Variants in GRID2IP observed in about 807,000 individuals in gnomAD.
GRID2IP encodes the protein Grid2 interacting protein.
Under a neutral mutation model 114.3 loss-of-function variants are expected in GRID2IP, and 78 were observed. The ratio of observed to expected loss-of-function variants is 0.68; its 90% CI spans 0.57 to 0.82. The LOEUF (loss-of-function observed/expected upper bound fraction) is 0.82, where lower values mean the gene tolerates loss of function less well. GRID2IP is among the 40% of genes least tolerant of loss of function. GRID2IP has a pLI of 0.00. For synonymous variants in GRID2IP, 809 were observed against 724.0 expected, an observed-to-expected ratio of 1.12 and a Z score of -1.89; for missense variants, 1,727 against 1,678.5, an observed-to-expected ratio of 1.03 and a Z score of -0.51.
intron 1 of GRID2IP, among the ~76,000 whole-genome samples, chr7:6,549,405 A>T (rs1317215369): frequency 6.6e-6 from 1 of 152,108 alleles, no homozygotes; most frequent in East Asian, 1.9e-4. Context: ...CAGGCTCCTC[A>T]TTCTTAATCT....
Position 6,498,187 on chromosome 7 carries a change from G to A in GRID2IP, c.3441C>T (p.Asp1147=), listed in dbSNP as rs572200460. Residue 1147 remains aspartate (D), a synonymous_variant, in exon 21 of 22, where the codon GAC becomes GAT. Transcript: ENST00000457091. ...ETAQPALRAL[D]GLQREAMEEL... ...CCTCCATGGCCTCGCGCTGCAGCCC[G>A]TCGAGCGCCCGAAGTGCTGGCTGGG... 7.7e-6 allele frequency: 12 copies of A among 1,550,304 alleles called. No homozygotes were observed. Among genetic ancestry groups the A allele is most frequent in the African/African-American group, 5.5e-5 (4 of 73,112 alleles).
intron 1 of GRID2IP, among the ~76,000 whole-genome samples, chr7:6,549,543 C>A (rs942886531): frequency 1.3e-5 from 2 of 152,208 alleles, no homozygotes; most frequent in African/African-American, 4.8e-5. Context: ...GCCAGCCAGG[C>A]CGCTGTGCAA....
In GRID2IP at chr7:6,498,323, C is replaced by T. The variant is rs1052270940; in HGVS notation, c.3400-95G>A. 24 of 1,267,758 alleles carry T rather than the reference C, an allele frequency of 1.9e-5. No individual in the cohort carries two copies. In the East Asian group the frequency reaches 2.0e-4, roughly 11 times the overall value. 78.5% of individuals were successfully genotyped at this position (1,267,758 alleles called of 1,614,324 possible). A position where few individuals can be genotyped will look rare whatever the true frequency, so the allele number is the denominator to read the frequency against. ...GACAGGTCCCTAGCAGCCCTATTCCCGGTTGGCCTGAGTCCTTCCAAGGGC... is the reference window on the plus strand; with the variant it reads ...GACAGGTCCCTAGCAGCCCTATTCCTGGTTGGCCTGAGTCCTTCCAAGGGC... On this transcript the variant is annotated intron_variant, in intron 20 of 21. Coordinates refer to ENST00000457091, the MANE Select transcript of GRID2IP (RefSeq NM_001145118.2).
Position 6,539,853 on chromosome 7 carries a change from TC to T in GRID2IP, c.448del (p.Asp150ThrfsTer13), listed in dbSNP as rs1424086765. The T allele has an allele frequency of 6.4e-7, 1 of 1,551,178 alleles. No individual in the cohort carries two copies. Among genetic ancestry groups the T allele is most frequent in the East Asian group, 2.4e-5 (1 of 40,890 alleles). ...CACCTGCTCCTTGGCAGTTGGCTGGTCCCCCAAGATTTCATCCACCTGCAAG... is the reference window on the plus strand; with the variant it reads ...CACCTGCTCCTTGGCAGTTGGCTGGTCCCCAAGATTTCATCCACCTGCAAG... ...FSRKVDEILGDQPTAKEQVFA... is the reference protein window; with the variant it reads ...FSRKVDEILGXQPTAKEQVFA... On this transcript the variant is annotated frameshift_variant, in exon 2 of 22. Coordinates refer to ENST00000457091, the MANE Select transcript of GRID2IP (RefSeq NM_001145118.2). LOFTEE classifies it high-confidence loss of function.
chr7:6,543,642 C>T (rs1164742809), intron 1 of GRID2IP, among the ~76,000 whole-genome samples: 1 of 151,832 alleles, frequency 6.6e-6, no homozygotes, highest in African/African-American at 2.4e-5. Context: ...CAGGGTCTTG[C>T]TCTGTTGCCC....
At chr7:6,546,560 A>C in intron 1 of GRID2IP, among the ~76,000 whole-genome samples, 1 of 136,568 alleles carries the variant, frequency 7.3e-6, no homozygotes. Context: ...CAAGAGCGAA[A>C]CTCTGTCTCA....
In GRID2IP at chr7:6,503,031, G is replaced by A; in HGVS notation, c.3040C>T (p.Arg1014Trp). ...ACCTCCAGGATCTTGGCGAGCTTCCGACTGTTTTTGAGCTCCAGGGAGGCC... is the reference window on the plus strand; with the variant it reads ...ACCTCCAGGATCTTGGCGAGCTTCCAACTGTTTTTGAGCTCCAGGGAGGCC... ...RQASLELKNS[R>W]KLAKILEFVL... Residue 1014 changes from arginine to tryptophan, a missense_variant, in exon 17 of 22, where the codon CGG becomes TGG. By Grantham distance (101) the Arg-to-Trp change is moderately radical. Coordinates refer to ENST00000457091, the MANE Select transcript of GRID2IP (RefSeq NM_001145118.2). 6.4e-7 allele frequency: 1 copy of A among 1,551,536 alleles called. No homozygotes were observed. The highest frequency in any genetic ancestry group is 1.2e-5 in the South Asian group (1 of 84,050).
chr7:6,523,861 C>T lies in GRID2IP; in HGVS notation c.920-1904G>A, dbSNP rs1779457616. On this transcript the variant is annotated intron_variant, in intron 4 of 21. Transcript: ENST00000457091. The surrounding 1 kb of genome is among the most constrained non-coding windows in gnomAD (Gnocchi z 4.5). ...TAACAAGGCCCTAGGCCAGGTATCT[C>T]TGGCTACACATGTGGGAGAGACTGG... Among the ~76,000 whole-genome samples, 1 of 152,142 alleles carries T rather than the reference C, an allele frequency of 6.6e-6. No individual in the cohort carries two copies. The highest frequency in any genetic ancestry group is 2.1e-4 in the South Asian group (1 of 4,824).
In GRID2IP at chr7:6,551,241, C is replaced by G. The variant is rs373612128; in HGVS notation, c.196G>C (p.Val66Leu). Residue 66 changes from valine to leucine, a missense_variant, in exon 1 of 22, where the codon GTG becomes CTG. Coordinates refer to ENST00000457091, the MANE Select transcript of GRID2IP (RefSeq NM_001145118.2). ...CGTGGGCAGCGCCGTGCCAGGCGCA[C>G]GAGGCGCTCGCGGCTCAGACCGCCC... ...AVGGLSRERL[V>L]RLARRCPRVP... 9 of 1,530,602 alleles carry G rather than the reference C, an allele frequency of 5.9e-6. No homozygotes were observed. Among genetic ancestry groups the G allele is most frequent in the African/African-American group, 4.1e-5 (3 of 72,398 alleles). 94.8% of individuals were successfully genotyped at this position (1,530,602 alleles called of 1,614,324 possible).
intron 1 of GRID2IP, among the ~76,000 whole-genome samples, chr7:6,549,519 C>T (rs1467097466): frequency 6.6e-6 from 1 of 152,240 alleles, no homozygotes; most frequent in African/African-American, 2.4e-5. Flanking sequence ...ACTAGGGCCT[C>T]CTGCAGCCAA....
chr7:6,515,463 A>G (rs893888725), intron 7 of GRID2IP, among the ~76,000 whole-genome samples: 1 of 151,204 alleles, frequency 6.6e-6, no homozygotes, highest in Non-Finnish European at 1.5e-5. Flanking sequence ...TCTGTCTCAA[A>G]AAAACCCAAA....
rs1414723657 is a variant in GRID2IP, at chr7:6,520,712, C to T, written c.1134G>A (p.Leu378=). 6.4e-7 allele frequency: 1 copy of T among 1,551,692 alleles called. No individual in the cohort carries two copies. The highest frequency in any genetic ancestry group is 1.2e-5 in the South Asian group (1 of 84,060). The change falls in exon 7 of 22, where the codon CTG becomes CTA. Residue 378 remains leucine (L), a synonymous_variant. Coordinates refer to ENST00000457091, the MANE Select transcript of GRID2IP (RefSeq NM_001145118.2). This position sits in a 1 kb window ranked among gnomAD's most constrained non-coding sequence, Gnocchi z 4.6. The part of the protein sequence containing the change: ...SPNPSSALTS[L]QWVAEILPSS... ...ACGGCAGGATCTCCGCCACCCACTG[C>T]AGGGAGGTGAGCGCCGACGACGGGT...
chr7:6,501,355 A>T (rs977370315), intron 20 of GRID2IP, among the ~76,000 whole-genome samples: 2 of 152,144 alleles, frequency 1.3e-5, no homozygotes, highest in African/African-American at 4.8e-5. Context: ...TGTCTCAAAA[A>T]ATAAATAAAA....
At position 6,497,588 on chromosome 7, in the gene GRID2IP, G is replaced by A. The variant is rs535593514; in HGVS notation, c.*186C>T. 3.8e-6 allele frequency: 2 copies of A among 531,420 alleles called. No individual in the cohort carries two copies. Among genetic ancestry groups the A allele is most frequent in the Admixed American group, 7.0e-5 (2 of 28,416 alleles). The allele number at this position is 531,420 out of a possible 1,614,324, so 32.9% of individuals were successfully genotyped here. ...TCCTACAGCATCTGGCTCTGGGCCT[G>A]GGGGTAGGAACAAGGGCTGGCAGAG... On this transcript the variant is annotated 3_prime_UTR_variant, in exon 22 of 22. Coordinates refer to ENST00000457091, the MANE Select transcript of GRID2IP (RefSeq NM_001145118.2).
rs925672290 is a variant in GRID2IP at position 6,506,141 on chromosome 7, C to T, written c.2545-234G>A. The stretch of plus-strand genomic sequence containing the variant: ...TCGAGACTCAAGACTTGGAACACTA[C>T]TCGTGCAGAAGCCAGCAAGGTGGGA... On this transcript the variant is annotated intron_variant, in intron 13 of 21. Coordinates refer to ENST00000457091, the MANE Select transcript of GRID2IP (RefSeq NM_001145118.2). The surrounding 1 kb of genome is among the most constrained non-coding windows in gnomAD (Gnocchi z 5.2). Among the ~76,000 whole-genome samples, 2 of 152,234 alleles carry T rather than the reference C, an allele frequency of 1.3e-5. No individual in the cohort carries two copies. The highest frequency in any genetic ancestry group is 4.8e-5 in the African/African-American group (2 of 41,452).
At chr7:6,502,970 G>C (rs1786458807) in intron 17 of GRID2IP, 38 bp downstream of exon 17, 1 of 1,550,938 alleles carries the variant, frequency 6.4e-7, no homozygotes, top group South Asian at 1.2e-5. Context: ...AGGAGGCAGA[G>C]AAGCAGATAG....
At chr7:6,497,878 A>G in intron 21 of GRID2IP, 33 bp from the exon 22 acceptor site, 1 of 1,529,966 alleles carries the variant, frequency 6.5e-7, no homozygotes, top group Non-Finnish European at 8.8e-7. Context: ...TAGGGTGGTC[A>G]GTGGTCCCAG....
chr7:6,542,176 C>T (rs2115099036), intron 1 of GRID2IP, among the ~76,000 whole-genome samples: 1 of 151,804 alleles, frequency 6.6e-6, no homozygotes, highest in South Asian at 2.1e-4. Context: ...GTGGTGGGTG[C>T]CTTTATTCAT....
At chr7:6,525,817 C>T (rs1225380904) in intron 4 of GRID2IP, among the ~76,000 whole-genome samples, 1 of 152,062 alleles carries the variant, frequency 6.6e-6, no homozygotes, top group Non-Finnish European at 1.5e-5. Flanking sequence ...GTGGGCACTC[C>T]ATGAAGCTCG....
Sources: allele counts gnomAD v4.1 joint callset (sites outside exome capture counted in the v4.1 genomes callset), GRCh38; gene constraint gnomAD v4.1.1; non-coding constraint Gnocchi (gnomAD v3.1); transcripts MANE v1.5; gene names NCBI Gene and HGNC (gene_info 2026-07-23, HGNC 2026-07-21).